Variants in ELMO1 observed in about 807,000 individuals in gnomAD.
ELMO1 encodes engulfment and cell motility 1.
In ELMO1, 26 loss-of-function variants were observed where a neutral mutation model predicts 98.9. The ratio of observed to expected loss-of-function variants is 0.26; its 90% CI spans 0.19 to 0.36. The LOEUF (loss-of-function observed/expected upper bound fraction) is 0.36, where lower values mean the gene tolerates loss of function less well. Among genes scored for constraint, ELMO1 ranks in the 10% least tolerant of loss-of-function variants. The pLI is 1.00. For missense variants in ELMO1, 627 were observed against 935.2 expected, an observed-to-expected ratio of 0.67 and a Z score of 4.30; for synonymous variants, 346 against 346.0, an observed-to-expected ratio of 1.00 and a Z score of 0.00.
chr7:37,163,285 G>A (rs1431836291), intron 13 of ELMO1, among the ~76,000 whole-genome samples: 1 of 151,892 alleles, frequency 6.6e-6, no homozygotes, highest in Admixed American at 6.6e-5. Flanking sequence ...TTTCTCTCCT[G>A]TAATTCTTTT....
intron 15 of ELMO1, among the ~76,000 whole-genome samples, chr7:37,067,736 C>CT (rs542773980): frequency 5.7e-4 from 84 of 148,144 alleles, no homozygotes; most frequent in Middle Eastern, 3.5e-3. Context: ...CATAATCTTT[C>CT]TTTTTTTTTT....
intron 16 of ELMO1, among the ~76,000 whole-genome samples, chr7:36,895,284 T>C (rs143207007): frequency 6.6e-6 from 1 of 152,342 alleles, no homozygotes; most frequent in East Asian, 1.9e-4. Flanking sequence ...GTACTCCACT[T>C]GCTTGACACA....
intron 15 of ELMO1, among the ~76,000 whole-genome samples, chr7:37,027,719 G>A (rs1032842147): frequency 1.3e-5 from 2 of 152,062 alleles, no homozygotes; most frequent in African/African-American, 4.8e-5. Context: ...GTTGTGAGTG[G>A]AACACAGAGA....
In ELMO1 at chr7:37,081,015, T is replaced by C. The variant is rs796418264; in HGVS notation, c.1300+15604A>G. Among the ~76,000 whole-genome samples, 11 of 152,286 alleles carry C rather than the reference T, an allele frequency of 7.2e-5. No individual in the cohort carries two copies. The South Asian group carries it at 1.9e-3, about 26-fold the overall frequency. On this transcript the variant is annotated intron_variant, in intron 15 of 21. Coordinates refer to ENST00000310758, the MANE Select transcript of ELMO1 (RefSeq NM_014800.11). ...CTGCATTTTTCTCCATTTTTCACCA[T>C]ATGACATACTTCTTTATCTGTTTAT...
At chr7:36,956,994 C>T (rs888614293) in intron 16 of ELMO1, among the ~76,000 whole-genome samples, 7 of 152,178 alleles carry the variant, frequency 4.6e-5, no homozygotes, top group South Asian at 2.1e-4. Flanking sequence ...GTAATGTTGT[C>T]GATTTCCCAC....
intron 1 of ELMO1, among the ~76,000 whole-genome samples, chr7:37,423,584 A>G (rs1804573560): frequency 6.7e-6 from 1 of 150,344 alleles, no homozygotes; most frequent in South Asian, 2.1e-4. Context: ...TGTCTCAAAG[A>G]AAACAAACAA....
rs917005311 is a variant in ELMO1 at position 37,226,519 on chromosome 7, C to T, written c.550-1489G>A. On this transcript the variant is annotated intron_variant, in intron 8 of 21. Coordinates refer to ENST00000310758, the MANE Select transcript of ELMO1 (RefSeq NM_014800.11). ...ATCTTCTAAACAGAGGATAAATTATCTGACTCCTCCCCCACCCCACCAAAC... is the reference window on the plus strand; with the variant it reads ...ATCTTCTAAACAGAGGATAAATTATTTGACTCCTCCCCCACCCCACCAAAC... Among the ~76,000 whole-genome samples the T allele has an allele frequency of 4.6e-5, 7 of 152,170 alleles. No individual in the cohort carries two copies. In the South Asian group the frequency reaches 1.0e-3, roughly 23 times the overall value.
In ELMO1 at chr7:37,331,359, A is replaced by G. The variant is rs2247904; in HGVS notation, c.78+11254T>C. On this transcript the variant is annotated intron_variant, in intron 2 of 21. Coordinates refer to ENST00000310758, the MANE Select transcript of ELMO1 (RefSeq NM_014800.11). ...TTTTTTTTTTTTTTTTTTTTTTGGA[A>G]TTTTAGTAGAGACAGGGTTTCACTG... 2.5e-5 allele frequency among the ~76,000 whole-genome samples: 2 copies of G among 81,446 alleles called. 1 individual carries two copies. Among genetic ancestry groups the G allele is most frequent in the Admixed American group, 3.1e-4 (2 of 6,434 alleles). The allele number at this position is 81,446 out of a possible 152,430, so 53.4% of individuals were successfully genotyped here.
intron 15 of ELMO1, among the ~76,000 whole-genome samples, chr7:37,063,259 T>C (rs1237375490): frequency 2.0e-5 from 3 of 152,208 alleles, no homozygotes; most frequent in South Asian, 2.1e-4. Context: ...AGTATGACTG[T>C]ATTACCTGAG....
chr7:36,986,233 C>A, intron 16 of ELMO1: 1 of 985,486 alleles, frequency 1.0e-6, no homozygotes, highest in South Asian at 4.7e-5. Context: ...TCAAAGGGCG[C>A]CTCCATTTCA....
rs1169240995 is a variant in ELMO1, at chr7:37,292,098, C to A, written c.193-20216G>T. ...CAGTACCTGCGATTGCAGGCGCGCA[C>A]CGCCACGCCTGACTGGTTTTCGTAT... On this transcript the variant is annotated intron_variant, in intron 4 of 21. Coordinates refer to ENST00000310758, the MANE Select transcript of ELMO1 (RefSeq NM_014800.11). 4.0e-5 allele frequency among the ~76,000 whole-genome samples: 5 copies of A among 125,698 alleles called. 2 individuals are homozygous for A. The highest frequency in any genetic ancestry group is 9.5e-5 in the Non-Finnish European group (5 of 52,586). 82.5% of individuals were successfully genotyped at this position (125,698 alleles called of 152,430 possible).
chr7:37,131,751 C>G (rs1395881336), intron 14 of ELMO1, among the ~76,000 whole-genome samples: 2 of 152,166 alleles, frequency 1.3e-5, no homozygotes, highest in Non-Finnish European at 2.9e-5. Context: ...GTATTTCTGA[C>G]CAAACACCTG....
At chr7:37,163,254 G>C (rs1018058045) in intron 13 of ELMO1, among the ~76,000 whole-genome samples, 12 of 152,108 alleles carry the variant, frequency 7.9e-5, no homozygotes, top group African/African-American at 2.9e-4. Context: ...AAATTTTTGT[G>C]TGTGTTTGTG....
intron 6 of ELMO1, among the ~76,000 whole-genome samples, chr7:37,254,839 A>T (rs1795554815): frequency 6.6e-6 from 1 of 152,200 alleles, no homozygotes; most frequent in Admixed American, 6.5e-5. Flanking sequence ...TTTAGCTCAC[A>T]TAAAGTACAT....
intron 14 of ELMO1, among the ~76,000 whole-genome samples, chr7:37,126,228 A>G (rs573700585): frequency 4.6e-5 from 7 of 150,976 alleles, no homozygotes; most frequent in African/African-American, 1.5e-4. Context: ...GCACACCAAC[A>G]TGGCACATGT....
At chr7:37,407,695 A>G in intron 1 of ELMO1, among the ~76,000 whole-genome samples, 1 of 152,202 alleles carries the variant, frequency 6.6e-6, no homozygotes, top group Admixed American at 6.5e-5. Flanking sequence ...TGTGGACTGC[A>G]GGGGATTTTT....
chr7:37,321,729 A>AAAAAAAAAAAC lies in ELMO1; in HGVS notation c.79-5770_79-5769insGTTTTTTTTTT, dbSNP rs1306951906. ...GAGACTCCGTCTCAAAAAAAAAAAA[A>AAAAAAAAAAAC]AAAAAAAAACACAGAAAAGAAAAAA... On this transcript the variant is annotated intron_variant, in intron 2 of 21. Transcript: ENST00000310758. 3.7e-4 allele frequency among the ~76,000 whole-genome samples: 55 copies of AAAAAAAAAAAC among 150,256 alleles called. 3 individuals are homozygous for AAAAAAAAAAAC. The highest frequency in any genetic ancestry group is 1.3e-3 in the African/African-American group (53 of 40,772).
chr7:36,936,825 G>A (rs1786573558), intron 16 of ELMO1, among the ~76,000 whole-genome samples: 1 of 152,164 alleles, frequency 6.6e-6, no homozygotes, highest in Non-Finnish European at 1.5e-5. Context: ...AAAAGCTAAA[G>A]ATATCTGTTA....
intron 20 of ELMO1, among the ~76,000 whole-genome samples, chr7:36,867,584 C>CAA (rs1389865628): frequency 6.6e-6 from 1 of 152,044 alleles, no homozygotes; most frequent in East Asian, 1.9e-4. Flanking sequence ...CCTTAGTGTC[C>CAA]TGAGGTGGAA....
Sources: allele counts gnomAD v4.1 joint callset (sites outside exome capture counted in the v4.1 genomes callset), GRCh38; gene constraint gnomAD v4.1.1; transcripts MANE v1.5; gene names NCBI Gene and HGNC (gene_info 2026-07-23, HGNC 2026-07-21).